The following FAM107B variants were observed in gnomAD, a reference collection of about 807,000 sequenced individuals.
FAM107B encodes protein FAM107B.
Under a neutral mutation model 31.5 loss-of-function variants are expected in FAM107B, and 21 were observed. That is an observed-to-expected ratio of 0.67 (90% CI 0.47 to 0.96). The LOEUF (loss-of-function observed/expected upper bound fraction) is 0.96. Ranked by LOEUF, FAM107B falls within the 40% of genes least tolerant of loss-of-function variation. The pLI, the probability that FAM107B is intolerant of heterozygous loss-of-function variation, is 0.00. For missense variants in FAM107B, 452 were observed against 377.1 expected (o/e 1.20, Z -1.64); for synonymous variants, 157 against 141.5 (o/e 1.11, Z -0.78).
At chr10:14,606,023 G>C (rs1852580269) in intron 2 of FAM107B, among the ~76,000 whole-genome samples, 1 of 152,136 alleles carries the variant, frequency 6.6e-6, no homozygotes, top group Non-Finnish European at 1.5e-5. Context: ...TGGGGTGCAA[G>C]TGAACTTTCC....
chr10:14,602,200 CCT>C (rs1447067166), intron 2 of FAM107B, among the ~76,000 whole-genome samples: 2 of 152,186 alleles, frequency 1.3e-5, no homozygotes, highest in East Asian at 3.8e-4. Flanking sequence ...GCAACACTCC[CCT>C]GAGCGTGTGT....
intron 2 of FAM107B, among the ~76,000 whole-genome samples, chr10:14,641,536 G>C (rs1011656638): frequency 1.3e-5 from 2 of 152,160 alleles, no homozygotes; most frequent in African/African-American, 4.8e-5. Flanking sequence ...CAGTATGGTT[G>C]GGTTATGGTG....
intron 1 of FAM107B, among the ~76,000 whole-genome samples, chr10:14,761,141 G>A (rs1234305476): frequency 3.3e-5 from 5 of 150,744 alleles, no homozygotes; most frequent in Non-Finnish European, 7.4e-5. Context: ...TATTTCTTTT[G>A]TGCTTACTCA....
chr10:14,690,940 ATTGATTG>A, intron 1 of FAM107B, among the ~76,000 whole-genome samples: 1 of 51,574 alleles, frequency 1.9e-5, no homozygotes, highest in Admixed American at 2.3e-4. Context: ...TTGTTGATTG[ATTGATTG>A]ATTGATAGCC....
At chr10:14,660,375 G>T (rs1435046591) in intron 2 of FAM107B, among the ~76,000 whole-genome samples, 2 of 152,116 alleles carry the variant, frequency 1.3e-5, no homozygotes, top group African/African-American at 4.8e-5. Flanking sequence ...AAAAAAAATG[G>T]CCACTAGAAA....
chr10:14,686,217 C>T (rs1006445246), intron 1 of FAM107B, among the ~76,000 whole-genome samples: 5 of 151,982 alleles, frequency 3.3e-5, no homozygotes, highest in African/African-American at 9.7e-5. Flanking sequence ...GGTGAAACCC[C>T]GTCTCTACTA....
At chr10:14,628,571 A>G (rs186374718) in intron 2 of FAM107B, among the ~76,000 whole-genome samples, 10 of 152,334 alleles carry the variant, frequency 6.6e-5, no homozygotes, top group African/African-American at 2.4e-4. Context: ...TGAACGTGGG[A>G]TACTGTAATT....
chr10:14,665,747 C>T (rs1854387805), intron 2 of FAM107B, among the ~76,000 whole-genome samples: 1 of 152,216 alleles, frequency 6.6e-6, no homozygotes, highest in South Asian at 2.1e-4. Flanking sequence ...TTACAAGTAT[C>T]ATCAACCCCA....
At chr10:14,667,339 G>A (rs1240807967) in intron 2 of FAM107B, among the ~76,000 whole-genome samples, 2 of 152,162 alleles carry the variant, frequency 1.3e-5, no homozygotes, top group African/African-American at 4.8e-5. Context: ...TAGCGTTACT[G>A]AATTTGAAAT....
intron 1 of FAM107B, among the ~76,000 whole-genome samples, chr10:14,773,969 T>C (rs1030348984): frequency 1.3e-5 from 2 of 152,184 alleles, no homozygotes; most frequent in African/African-American, 4.8e-5. Flanking sequence ...AATCTGTTAT[T>C]GAGTGAGCCA....
intron 1 of FAM107B, among the ~76,000 whole-genome samples, chr10:14,741,561 G>GT (rs1856437578): frequency 6.6e-6 from 1 of 152,066 alleles, no homozygotes; most frequent in Non-Finnish European, 1.5e-5. Context: ...ACTGACCCCA[G>GT]ATCTGAGCCC....
chr10:14,675,134 CTGTTCTTG>C (rs1253946195), intron 1 of FAM107B, among the ~76,000 whole-genome samples: 1 of 152,130 alleles, frequency 6.6e-6, no homozygotes, highest in Non-Finnish European at 1.5e-5. Flanking sequence ...CTAATCCCCT[CTGTTCTTG>C]TGTTTGGTGC....
At position 14,520,643 on chromosome 10, in the gene FAM107B, G is replaced by A. The variant is rs1000926079; in HGVS notation, c.*547C>T. ...GGTAGTGGCTGTGCTCGACATTCAC[G>A]TTCCTTCTCTGGTGTTAACTGCAAC... On this transcript the variant is annotated 3_prime_UTR_variant, in exon 5 of 5. Coordinates refer to ENST00000181796, the MANE Select transcript of FAM107B (RefSeq NM_031453.4). The A allele has an allele frequency of 1.3e-5, 2 of 152,188 alleles. No individual in the cohort carries two copies. Among genetic ancestry groups the A allele is most frequent in the African/African-American group, 4.8e-5 (2 of 41,446 alleles). 9.4% of individuals were successfully genotyped at this position (152,188 alleles called of 1,614,324 possible). A position where few individuals can be genotyped will look rare whatever the true frequency, so the allele number is the denominator to read the frequency against.
At chr10:14,646,422 T>A (rs1853756528) in intron 2 of FAM107B, among the ~76,000 whole-genome samples, 1 of 152,188 alleles carries the variant, frequency 6.6e-6, no homozygotes, top group South Asian at 2.1e-4. Flanking sequence ...AGTGAGAACA[T>A]GCAGTATTTG....
At chr10:14,707,368 AAG>A (rs899638456) in intron 1 of FAM107B, among the ~76,000 whole-genome samples, 1 of 162 alleles carries the variant, frequency 6.2e-3, no homozygotes, top group African/African-American at 0.036. Flanking sequence ...GACATTCTCA[AAG>A]ACACACAAAG....
intron 2 of FAM107B, among the ~76,000 whole-genome samples, chr10:14,575,236 C>T (rs1248079180): frequency 2.0e-5 from 3 of 151,658 alleles, no homozygotes; most frequent in East Asian, 3.9e-4. Flanking sequence ...TGGCGTCTCG[C>T]TCTATCGCCC....
In FAM107B at chr10:14,774,365, T is replaced by G; in HGVS notation, c.299A>C (p.Gln100Pro). Residue 100 changes from glutamine (Q) to proline (P), a missense_variant, in exon 1 of 5, where the codon CAG becomes CCG. Transcript: ENST00000181796. ...NRNSSHRTAA[Q>P]PAETPEDVPG... Reference sequence around the variant, plus strand: ...CACATCTTCAGGCGTCTCCGCGGGCTGGGCCGCAGTGCGGTGACTTGAATT... The same window carrying G: ...CACATCTTCAGGCGTCTCCGCGGGCGGGGCCGCAGTGCGGTGACTTGAATT... The G allele has an allele frequency of 6.2e-7, 1 of 1,614,198 alleles. No individual in the cohort carries two copies. The highest frequency in any genetic ancestry group is 8.5e-7 in the Non-Finnish European group (1 of 1,180,034).
chr10:14,567,341 C>T (rs987635094), intron 2 of FAM107B, among the ~76,000 whole-genome samples: 1 of 151,976 alleles, frequency 6.6e-6, no homozygotes, highest in Non-Finnish European at 1.5e-5. Context: ...GGCCTTCGCA[C>T]GACTGTCCCG....
At chr10:14,560,453 G>A (rs1366701108) in intron 2 of FAM107B, among the ~76,000 whole-genome samples, 1 of 152,200 alleles carries the variant, frequency 6.6e-6, no homozygotes, top group African/African-American at 2.4e-5. Flanking sequence ...ACGAGTCAGC[G>A]ATGACACCAC....
Sources: gnomAD v4.1 joint callset for allele counts (sites outside exome capture counted in the v4.1 genomes callset) on GRCh38, gnomAD v4.1.1 for gene constraint, MANE v1.5 for transcripts, NCBI Gene and HGNC (gene_info 2026-07-23, HGNC 2026-07-21) for gene names.